PIK3R2: variants seen among roughly 807,000 people sequenced by gnomAD.
PIK3R2 encodes phosphoinositide-3-kinase regulatory subunit 2.
In PIK3R2, 40 loss-of-function variants were observed where a neutral mutation model predicts 78.5. The observed-to-expected ratio is 0.51, with a 90% CI of 0.40 to 0.66. The LOEUF is 0.66. Among genes scored for constraint, PIK3R2 ranks in the 30% least tolerant of loss-of-function variants. The pLI, the probability that PIK3R2 is intolerant of heterozygous loss-of-function variation, is 0.00. For synonymous variants in PIK3R2, 473 were observed against 457.7 expected (o/e 1.03, Z -0.43); for missense variants, 880 against 1,026.6 (o/e 0.86, Z 1.95).
At chr19:18,160,626 C>T in intron 3 of PIK3R2, 63 bp downstream of exon 3, 3 of 1,272,110 alleles carry the variant, frequency 2.4e-6, no homozygotes, top group Middle Eastern at 1.8e-4. Flanking sequence ...ACAGGCGACT[C>T]ATCCTCTCAC....
chr19:18,166,900 T>C (rs1377754395), intron 12 of PIK3R2, among the ~76,000 whole-genome samples: 1 of 151,910 alleles, frequency 6.6e-6, no homozygotes, highest in Non-Finnish European at 1.5e-5. Flanking sequence ...TGTGGGAGGC[T>C]GAGGCAGGAG....
At chr19:18,165,347 A>G (rs1021552531) in intron 11 of PIK3R2, among the ~76,000 whole-genome samples, 8 of 116,464 alleles carry the variant, frequency 6.9e-5, no homozygotes, top group Non-Finnish European at 1.0e-4. Flanking sequence ...CCTGGGACAG[A>G]GTGAGACTCC....
rs1254390009 is a variant in PIK3R2, at chr19:18,169,112, G to A, written c.2005G>A (p.Val669Ile). The change falls in exon 16 of 16, where the codon GTC becomes ATC. Residue 669 changes from valine (V) to isoleucine (I), a missense_variant. This residue lies in a region of PIK3R2 where 268 missense variants were observed against 299.1 expected (regional missense o/e 0.90). Transcript: ENST00000222254. ...AGTGGACGGCGACACCAAGCACTGC[G>A]TCATCTACCGCACGGCCACCGGCTT... ...VVVDGDTKHCVIYRTATGFGF... is the reference protein window; with the variant it reads ...VVVDGDTKHCIIYRTATGFGF... The A allele has an allele frequency of 1.2e-6, 2 of 1,611,578 alleles. No individual in the cohort carries two copies. Among genetic ancestry groups the A allele is most frequent in the Non-Finnish European group, 1.7e-6 (2 of 1,179,790 alleles).
chr19:18,164,509 T>G (rs2043786633), intron 11 of PIK3R2, among the ~76,000 whole-genome samples: 1 of 152,124 alleles, frequency 6.6e-6, no homozygotes, highest in Admixed American at 6.6e-5. Flanking sequence ...AGTGAAAGGT[T>G]TTGTCACTCA....
chr19:18,159,164 A>T (rs56386120), intron 2 of PIK3R2, among the ~76,000 whole-genome samples: 2,377 of 9,100 alleles, frequency 0.26, 49 homozygotes, highest in East Asian at 0.36. Flanking sequence ...TTTTTTTTTT[A>T]AATTATTTAA....
At chr19:18,169,017 C>A in intron 15 of PIK3R2, 70 bp from the exon 16 acceptor site, 1 of 1,563,334 alleles carries the variant, frequency 6.4e-7, no homozygotes, top group Non-Finnish European at 8.7e-7. Flanking sequence ...GGGGAGCACG[C>A]GGCCCTGGAA....
At position 18,168,566 on chromosome 19, in the gene PIK3R2, G is replaced by A; in HGVS notation, c.1808+20G>A. The A allele has an allele frequency of 1.3e-6, 1 of 782,076 alleles. No individual in the cohort carries two copies. The highest frequency in any genetic ancestry group is 1.3e-5 in the South Asian group (1 of 74,444). The allele number at this position is 782,076 out of a possible 1,614,324, so 48.4% of individuals were successfully genotyped here. ...TGAGGAGTGAGTGACCGTCTGGAGGGAGGCAGGGAGGGCTTCCCAGAGGAG... is the reference window on the plus strand; with the variant it reads ...TGAGGAGTGAGTGACCGTCTGGAGGAAGGCAGGGAGGGCTTCCCAGAGGAG... On this transcript the variant is annotated intron_variant, in intron 14 of 15. Coordinates refer to ENST00000222254, the MANE Select transcript of PIK3R2 (RefSeq NM_005027.4). The surrounding 1 kb of genome is among the most constrained non-coding windows in gnomAD (Gnocchi z 4.1).
At chr19:18,154,365 C>A (rs1165541619) in intron 1 of PIK3R2, among the ~76,000 whole-genome samples, 3 of 152,122 alleles carry the variant, frequency 2.0e-5, no homozygotes, top group African/African-American at 7.2e-5. Flanking sequence ...CTGTCCCTGC[C>A]TGGGGCTAAG....
Position 18,167,121 on chromosome 19 carries a change from C to A in PIK3R2, c.1560-9C>A, listed in dbSNP as rs202166655. 6.4e-7 allele frequency: 1 copy of A among 1,566,170 alleles called. No homozygotes were observed. Among genetic ancestry groups the A allele is most frequent in the Non-Finnish European group, 8.7e-7 (1 of 1,153,256 alleles). ...CTGAGGTCTCTGCGCCACCCCACCC[C>A]TCCCACAGGATCCTGCTGAACTCCG... On this transcript the variant is annotated splice_polypyrimidine_tract_variant and intron_variant, in intron 12 of 15. Coordinates refer to ENST00000222254, the MANE Select transcript of PIK3R2 (RefSeq NM_005027.4). This position sits in a 1 kb window ranked among gnomAD's most constrained non-coding sequence, Gnocchi z 4.5.
chr19:18,161,226 G>C lies in PIK3R2; in HGVS notation c.598+41G>C, dbSNP rs1318313761. 1 of 1,520,042 alleles carries C rather than the reference G, an allele frequency of 6.6e-7. No homozygotes were observed. 94.2% of individuals were successfully genotyped at this position (1,520,042 alleles called of 1,614,324 possible). ...AGCCCGGGGGAAGGAGGGGGCTGTA[G>C]CGGGTGGGAGGGCCCAGGCCTGGCT... On this transcript the variant is annotated intron_variant, in intron 5 of 15. Coordinates refer to ENST00000222254, the MANE Select transcript of PIK3R2 (RefSeq NM_005027.4). The surrounding 1 kb of genome is among the most constrained non-coding windows in gnomAD (Gnocchi z 5.3).
rs1416175105 is a variant in PIK3R2 at position 18,167,620 on chromosome 19, G to A, written c.1736+314G>A. Among the ~76,000 whole-genome samples the A allele has an allele frequency of 6.6e-6, 1 of 152,238 alleles. No homozygotes were observed. Among genetic ancestry groups the A allele is most frequent in the Admixed American group, 6.5e-5 (1 of 15,280 alleles). Reference sequence around the variant, plus strand: ...TGTAATCCCAGCACTTTGGGAGGCTGAGGCGGGCAGATGGATCACTTGAGG... The same window carrying A: ...TGTAATCCCAGCACTTTGGGAGGCTAAGGCGGGCAGATGGATCACTTGAGG... On this transcript the variant is annotated intron_variant, in intron 13 of 15. Coordinates refer to ENST00000222254, the MANE Select transcript of PIK3R2 (RefSeq NM_005027.4). This position sits in a 1 kb window ranked among gnomAD's most constrained non-coding sequence, Gnocchi z 4.5.
At position 18,162,031 on chromosome 19, in the gene PIK3R2, A is replaced by G; in HGVS notation, c.881A>G (p.Glu294Gly). 6.2e-7 allele frequency: 1 copy of G among 1,613,926 alleles called. No individual in the cohort carries two copies. Among genetic ancestry groups the G allele is most frequent in the Non-Finnish European group, 8.5e-7 (1 of 1,179,916 alleles). ...AAGCTGCTTCAGGAACACTTGGAAG[A>G]GCAGGAGGTTGCGCCCCCAGGTGAG... The part of the protein sequence containing the change: ...VEKLLQEHLE[E>G]QEVAPPALPP... Residue 294 changes from glutamate (E) to glycine (G), a missense_variant, in exon 7 of 16, where the codon GAG (glutamate) becomes GGG (glycine). By Grantham distance (98) the Glu-to-Gly change is moderately conservative. Coordinates refer to ENST00000222254, the MANE Select transcript of PIK3R2 (RefSeq NM_005027.4).
chr19:18,159,806 A>G (rs1399475166), intron 2 of PIK3R2, among the ~76,000 whole-genome samples: 2 of 151,754 alleles, frequency 1.3e-5, no homozygotes, highest in African/African-American at 4.8e-5. Flanking sequence ...CAGTGGTGCA[A>G]TCTTGGCTCA....
rs1222199135 is a variant in PIK3R2 at position 18,168,790 on chromosome 19, G to A, written c.1873G>A (p.Gly625Ser). Reference protein sequence around the residue: ...PHHEERTWYVGKINRTQAEEM... With the variant: ...PHHEERTWYVSKINRTQAEEM... Reference sequence around the variant, plus strand: ...CCACGAGGAACGCACTTGGTACGTGGGCAAGATCAACCGCACGCAGGCAGA... The same window carrying A: ...CCACGAGGAACGCACTTGGTACGTGAGCAAGATCAACCGCACGCAGGCAGA... Residue 625 changes from glycine to serine, a missense_variant, in exon 15 of 16, where the codon GGC becomes AGC. By Grantham distance (56) the Gly-to-Ser change is moderately conservative. Coordinates refer to ENST00000222254, the MANE Select transcript of PIK3R2 (RefSeq NM_005027.4). The surrounding 1 kb of genome is among the most constrained non-coding windows in gnomAD (Gnocchi z 4.1). 6.2e-6 allele frequency: 10 copies of A among 1,613,932 alleles called. No homozygotes were observed. The highest frequency in any genetic ancestry group is 8.5e-6 in the Non-Finnish European group (10 of 1,179,920).
Position 18,161,893 on chromosome 19 carries a change from A to G in PIK3R2, c.816-73A>G. The G allele has an allele frequency of 1.6e-6, 2 of 1,265,728 alleles. No homozygotes were observed. Among genetic ancestry groups the G allele is most frequent in the Non-Finnish European group, 2.3e-6 (2 of 865,812 alleles). 78.4% of individuals were successfully genotyped at this position (1,265,728 alleles called of 1,614,324 possible). A position where few individuals can be genotyped will look rare whatever the true frequency, so the allele number is the denominator to read the frequency against. On this transcript the variant is annotated intron_variant, in intron 6 of 15. Transcript: ENST00000222254. This position sits in a 1 kb window ranked among gnomAD's most constrained non-coding sequence, Gnocchi z 5.3. ...TATATACCCCCAGGCGTGCAAGCGC[A>G]CGCACAATCCTGTGCACATGCGTGG...
Position 18,167,305 on chromosome 19 carries a change from G to C in PIK3R2, c.1735G>C (p.Val579Leu). The C allele has an allele frequency of 6.3e-7, 1 of 1,582,704 alleles. No individual in the cohort carries two copies. Among genetic ancestry groups the C allele is most frequent in the Non-Finnish European group, 8.6e-7 (1 of 1,164,370 alleles). ...GCGCAAGATCCGAGACCAGTACCTC[G>C]TGTAAGTGGCGGCTCCATACTTCCC... ...QLRKIRDQYL[V>L]WLTQKGARQK... The change falls in exon 13 of 16, where the codon GTG becomes CTG. Residue 579 changes from valine to leucine, a missense_variant and splice_region_variant. Around this residue, in one of 3 missense-constraint regions of PIK3R2, gnomAD observed 268 missense variants for 299.1 expected, o/e 0.90. Coordinates refer to ENST00000222254, the MANE Select transcript of PIK3R2 (RefSeq NM_005027.4). The surrounding 1 kb of genome is among the most constrained non-coding windows in gnomAD (Gnocchi z 4.5).
rs369648070 is a variant in PIK3R2, at chr19:18,168,711, C to T, written c.1809-15C>T. 7 of 1,597,866 alleles carry T rather than the reference C, an allele frequency of 4.4e-6. No individual in the cohort carries two copies. Among genetic ancestry groups the T allele is most frequent in the Non-Finnish European group, 6.0e-6 (7 of 1,166,398 alleles). ...GAGTGACCAGGGCCCTCCCCGCCAC[C>T]GCCCCCCACCCCAGCCAGTACGCAC... is the stretch of plus-strand genomic sequence containing the variant. On this transcript the variant is annotated splice_polypyrimidine_tract_variant and intron_variant, in intron 14 of 15. Coordinates refer to ENST00000222254, the MANE Select transcript of PIK3R2 (RefSeq NM_005027.4). This position sits in a 1 kb window ranked among gnomAD's most constrained non-coding sequence, Gnocchi z 4.1.
chr19:18,162,164 G>A (rs764880765), intron 7 of PIK3R2, 38 bp from the exon 8 acceptor site: 39 of 1,416,318 alleles, frequency 2.8e-5, no homozygotes, highest in East Asian at 2.1e-4. Flanking sequence ...ACAGTATACA[G>A]TCGGTGCTCA....
In PIK3R2 at chr19:18,169,322, C is replaced by G. The variant is rs1269325802; in HGVS notation, c.*28C>G. The G allele has an allele frequency of 2.1e-5, 28 of 1,333,464 alleles. No homozygotes were observed. The East Asian group carries it at 8.2e-4, about 39-fold the overall frequency. The allele number at this position is 1,333,464 out of a possible 1,614,324, so 82.6% of individuals were successfully genotyped here. ...ACCGAGGACCCGCCCCAAGCAGAGC[C>G]GCCCCTGGGCCCGTCTGCGCCGGAG... On this transcript the variant is annotated 3_prime_UTR_variant, in exon 16 of 16. Coordinates refer to ENST00000222254, the MANE Select transcript of PIK3R2 (RefSeq NM_005027.4).
Sources: gnomAD v4.1 joint callset for allele counts (sites outside exome capture counted in the v4.1 genomes callset) on GRCh38, gnomAD v4.1.1 for gene constraint, gnomAD v4.1.1 regional missense constraint, Gnocchi (gnomAD v3.1) non-coding constraint, MANE v1.5 for transcripts, NCBI Gene and HGNC (gene_info 2026-07-23, HGNC 2026-07-21) for gene names.